Variants in PHF24 observed in about 807,000 individuals in gnomAD.
PHF24 encodes the protein PHD finger protein 24.
In PHF24, 25 loss-of-function variants were observed where a neutral mutation model predicts 42.6. That is an observed-to-expected ratio of 0.59 (90% CI 0.43 to 0.82). The LOEUF (loss-of-function observed/expected upper bound fraction) is 0.82. Ranked by LOEUF, PHF24 falls within the 40% of genes least tolerant of loss-of-function variation. The pLI, the probability that PHF24 is intolerant of heterozygous loss-of-function variation, is 0.00. For synonymous variants in PHF24, 185 were observed against 204.8 expected, an observed-to-expected ratio of 0.90 and a Z score of 0.83; for missense variants, 470 against 538.1, an observed-to-expected ratio of 0.87 and a Z score of 1.25.
the PHF24 span, among the ~76,000 whole-genome samples, chr9:34,763,553 G>C: frequency 0.016 from 2,410 of 152,104 alleles, 60 homozygotes; most frequent in African/African-American, 0.05. Context: ...ATTTTGTATC[G>C]TGAGACTTTG....
the PHF24 span, among the ~76,000 whole-genome samples, chr9:34,708,171 G>A: frequency 6.6e-6 from 1 of 152,186 alleles, no homozygotes; most frequent in African/African-American, 2.4e-5. Flanking sequence ...GGAGGAAGAG[G>A]TAGAGGAGAG....
At chr9:34,768,549 A>G in the PHF24 span, among the ~76,000 whole-genome samples, 1 of 152,204 alleles carries the variant, frequency 6.6e-6, no homozygotes, top group Non-Finnish European at 1.5e-5. Flanking sequence ...AGTAATATCA[A>G]CTTCACAGAA....
At chr9:34,756,898 T>TTTTTC in the PHF24 span, among the ~76,000 whole-genome samples, 29 of 151,994 alleles carry the variant, frequency 1.9e-4, no homozygotes, top group Non-Finnish European at 2.6e-4. Flanking sequence ...TTCATCAGTG[T>TTTTTC]TTTTCTTTTC....
the PHF24 span, among the ~76,000 whole-genome samples, chr9:34,827,679 C>T: frequency 8.5e-5 from 13 of 152,260 alleles, no homozygotes; most frequent in Admixed American, 1.3e-4. Flanking sequence ...CTCTTGGCTC[C>T]TCTGTGGTAG....
At chr9:34,712,973 C>A in the PHF24 span, among the ~76,000 whole-genome samples, 1 of 152,170 alleles carries the variant, frequency 6.6e-6, no homozygotes, top group Non-Finnish European at 1.5e-5. Context: ...ATGGGCCATA[C>A]TTTCCTATTT....
At chr9:34,880,644 C>A in the PHF24 span, among the ~76,000 whole-genome samples, 1 of 152,290 alleles carries the variant, frequency 6.6e-6, no homozygotes, top group Admixed American at 6.5e-5. Flanking sequence ...ATCAGTTCAA[C>A]AAGAAGAGCT....
At chr9:34,701,530 C>T in the PHF24 span, among the ~76,000 whole-genome samples, 2 of 152,078 alleles carry the variant, frequency 1.3e-5, no homozygotes, top group Non-Finnish European at 2.9e-5. This position sits in a 1 kb window ranked among gnomAD's most constrained non-coding sequence, Gnocchi z 5.8. Context: ...CGGCTGTGAC[C>T]CTGCGAGCTC....
the PHF24 span, among the ~76,000 whole-genome samples, chr9:34,924,077 G>A: frequency 1.6e-4 from 24 of 151,994 alleles, no homozygotes; most frequent in African/African-American, 5.3e-4. Context: ...TCATTCAAGA[G>A]CATATTGTTT....
the PHF24 span, among the ~76,000 whole-genome samples, chr9:34,882,722 A>C: frequency 6.6e-6 from 1 of 152,222 alleles, no homozygotes; most frequent in Non-Finnish European, 1.5e-5. Context: ...GAGGACACAA[A>C]CAAATGGAAG....
chr9:34,977,757 C>A, intron 7 of PHF24, 116 bp downstream of exon 7: 1 of 948,204 alleles, frequency 1.1e-6, no homozygotes, highest in Non-Finnish European at 1.6e-6. Context: ...ACCCAAGAAA[C>A]CAGGCTCCAA....
chr9:34,835,592 TCTC>T, the PHF24 span: 1 of 1,551,626 alleles, frequency 6.4e-7, no homozygotes, highest in African/African-American at 1.4e-5. Context: ...GCTCTGCTCA[TCTC>T]CTCCTGGTTC....
the PHF24 span, among the ~76,000 whole-genome samples, chr9:34,671,846 TCCA>T: frequency 1.3e-5 from 2 of 152,080 alleles, no homozygotes; most frequent in Admixed American, 6.5e-5. Context: ...CATCCATCCA[TCCA>T]TCCATGTGTC....
chr9:34,692,632 A>C, the PHF24 span, among the ~76,000 whole-genome samples: 128 of 152,126 alleles, frequency 8.4e-4, no homozygotes, highest in African/African-American at 2.9e-3. Context: ...ACAAGGTGAA[A>C]ATTCTCCAGT....
chr9:34,977,860 G>C (rs1827257413), intron 7 of PHF24, among the ~76,000 whole-genome samples, 155 bp from the exon 8 acceptor site: 1 of 152,192 alleles, frequency 6.6e-6, no homozygotes, highest in South Asian at 2.1e-4. Context: ...CATGAGCCAA[G>C]CTTCCCTGAG....
At chr9:34,918,017 C>A in the PHF24 span, 5 of 1,257,446 alleles carry the variant, frequency 4.0e-6, no homozygotes, top group African/African-American at 4.4e-5. Flanking sequence ...GCAAGCGACA[C>A]CAGTACCACA....
At chr9:34,670,806 C>T in the PHF24 span, among the ~76,000 whole-genome samples, 2 of 152,108 alleles carry the variant, frequency 1.3e-5, no homozygotes, top group South Asian at 4.2e-4. Context: ...ACTAAGATAC[C>T]TGGGAGTAGG....
chr9:34,928,150 A>G, the PHF24 span, among the ~76,000 whole-genome samples: 1 of 145,726 alleles, frequency 6.9e-6, no homozygotes. Flanking sequence ...CAGGAGGTGA[A>G]GGTTGCAGTA....
At chr9:34,943,740 A>G in the PHF24 span, among the ~76,000 whole-genome samples, 11 of 152,122 alleles carry the variant, frequency 7.2e-5, no homozygotes, top group East Asian at 7.7e-4. Context: ...CATCTCTACA[A>G]CTCCCTCAAG....
the PHF24 span, among the ~76,000 whole-genome samples, chr9:34,845,175 C>A: frequency 2.0e-5 from 3 of 152,120 alleles, no homozygotes; most frequent in Admixed American, 2.0e-4. Context: ...TGTATGAAAT[C>A]TCTTTTTCCA....
Sources: gnomAD v4.1 joint callset for allele counts (sites outside exome capture counted in the v4.1 genomes callset) on GRCh38, gnomAD v4.1.1 for gene constraint, Gnocchi (gnomAD v3.1) non-coding constraint, MANE v1.5 for transcripts, NCBI Gene and HGNC (gene_info 2026-07-23, HGNC 2026-07-21) for gene names.